Variants in KLHL4 observed in about 807,000 individuals in gnomAD.
KLHL4 encodes kelch-like protein 4.
KLHL4 carries 17 observed loss-of-function variants against 45.8 expected under a neutral mutation model. That is an observed-to-expected ratio of 0.37 (90% CI 0.25 to 0.56). The LOEUF (loss-of-function observed/expected upper bound fraction) is 0.56. Ranked by LOEUF, KLHL4 falls within the 20% of genes least tolerant of loss-of-function variation. The pLI is 0.79. For missense variants in KLHL4, 544 were observed against 544.9 expected, an observed-to-expected ratio of 1.00 and a Z score of 0.02; for synonymous variants, 224 against 189.9, an observed-to-expected ratio of 1.18 and a Z score of -1.47.
At chrX:87,525,911 A>G (rs1397599110) in intron 1 of KLHL4, among the ~76,000 whole-genome samples, 1 of 111,117 alleles carries the variant, frequency 9.0e-6, no homozygotes, top group Non-Finnish European at 1.9e-5. Flanking sequence ...ATATTACTGT[A>G]CAGAATGTGT....
At chrX:87,522,520 T>C (rs1931022456) in intron 1 of KLHL4, among the ~76,000 whole-genome samples, 1 of 111,782 alleles carries the variant, frequency 8.9e-6, no homozygotes, top group Non-Finnish European at 1.9e-5. Context: ...TTGCCTGTCT[T>C]CTTACGAGGT....
intron 1 of KLHL4, among the ~76,000 whole-genome samples, chrX:87,557,937 T>A (rs190482101): frequency 9.0e-5 from 10 of 111,019 alleles, no homozygotes; most frequent in South Asian, 3.8e-4. Context: ...CATTAAGAAT[T>A]GTCTCAAGGA....
intron 1 of KLHL4, among the ~76,000 whole-genome samples, chrX:87,553,197 T>C (rs1295032622): frequency 9.0e-6 from 1 of 110,845 alleles, no homozygotes; most frequent in African/African-American, 3.3e-5. Context: ...TATTTGACAG[T>C]GTTTGTGGAG....
At position 87,594,577 on chromosome X, in the gene KLHL4, G is replaced by A. The variant is rs1021034695; in HGVS notation, c.423-19300G>A. Among the ~76,000 whole-genome samples, 23 of 111,289 alleles carry A rather than the reference G, an allele frequency of 2.1e-4. 1 individual carries two copies. Among genetic ancestry groups the A allele is most frequent in the African/African-American group, 7.2e-4 (22 of 30,603 alleles). ...AACAAAACCAACTAGAACAGGGCCT[G>A]CCTTTTGTCTTGCCACTTTTACTAT... On this transcript the variant is annotated intron_variant, in intron 1 of 10. Coordinates refer to ENST00000373119, the MANE Select transcript of KLHL4 (RefSeq NM_019117.5).
At chrX:87,604,719 T>G (rs1922136300) in intron 1 of KLHL4, among the ~76,000 whole-genome samples, 1 of 111,398 alleles carries the variant, frequency 9.0e-6, no homozygotes, top group African/African-American at 3.3e-5. Flanking sequence ...TTGAACATTA[T>G]CTTTTCATTT....
At position 87,666,912 on chromosome X, in the gene KLHL4, G is replaced by GT. The variant is rs538930195; in HGVS notation, c.*387dup. On this transcript the variant is annotated 3_prime_UTR_variant, in exon 11 of 11. Transcript: ENST00000373119. ...GCCTTAAAAGTTAAAAACATTTTCAGTTTTTTTTTAAAAAACGTACTCTTA... is the reference window on the plus strand; with the variant it reads ...GCCTTAAAAGTTAAAAACATTTTCAGTTTTTTTTTTAAAAAACGTACTCTTA... 737 of 695,143 alleles carry GT rather than the reference G, an allele frequency of 1.1e-3. 7 individuals are homozygous for GT. The highest frequency in any genetic ancestry group is 6.2e-3 in the African/African-American group (256 of 41,549). The allele number at this position is 695,143 out of a possible 1,213,427, so 57.3% of individuals were successfully genotyped here. A position where few individuals can be genotyped will look rare whatever the true frequency, so the allele number is the denominator to read the frequency against.
At chrX:87,566,099 C>A (rs929577050) in intron 1 of KLHL4, among the ~76,000 whole-genome samples, 1 of 91,388 alleles carries the variant, frequency 1.1e-5, no homozygotes, top group Admixed American at 1.4e-4. Context: ...ATAAAATAAA[C>A]CCCCTCAACA....
chrX:87,579,350 C>T (rs1250827707), intron 1 of KLHL4, among the ~76,000 whole-genome samples: 3 of 111,204 alleles, frequency 2.7e-5, no homozygotes, highest in African/African-American at 6.5e-5. Context: ...AGAAAGCCTA[C>T]AGAAATTATA....
At chrX:87,536,328 T>A (rs1260706556) in intron 1 of KLHL4, among the ~76,000 whole-genome samples, 1 of 111,274 alleles carries the variant, frequency 9.0e-6, no homozygotes, top group Non-Finnish European at 1.9e-5. Context: ...AAAATTTCTA[T>A]GATGACTTTT....
chrX:87,553,154 T>C (rs959445128), intron 1 of KLHL4, among the ~76,000 whole-genome samples: 2 of 110,590 alleles, frequency 1.8e-5, no homozygotes, highest in Non-Finnish European at 3.8e-5. Flanking sequence ...GTTTGGGCTT[T>C]GATAATGTGG....
At chrX:87,524,154 G>A (rs781368416) in intron 1 of KLHL4, among the ~76,000 whole-genome samples, 11 of 110,335 alleles carry the variant, frequency 1.0e-4, no homozygotes, top group African/African-American at 3.3e-4. Context: ...AGAAGGGCAG[G>A]AAAGTGTAAA....
intron 9 of KLHL4, among the ~76,000 whole-genome samples, chrX:87,642,553 C>T (rs1923499103): frequency 1.8e-5 from 2 of 111,828 alleles, no homozygotes; most frequent in East Asian, 5.7e-4. Flanking sequence ...AGAAGAAATT[C>T]ATGATTTATC....
At chrX:87,535,922 G>A (rs1337947627) in intron 1 of KLHL4, among the ~76,000 whole-genome samples, 1 of 109,752 alleles carries the variant, frequency 9.1e-6, no homozygotes, top group Non-Finnish European at 1.9e-5. Context: ...AACCATGTGC[G>A]GTGCCTACTC....
At chrX:87,613,768 G>A in intron 1 of KLHL4, 109 bp from the exon 2 acceptor site, 1 of 452,543 alleles carries the variant, frequency 2.2e-6, no homozygotes, top group Non-Finnish European at 3.5e-6. Flanking sequence ...TCCTTTAGAA[G>A]TTGGTATGCC....
At chrX:87,560,713 G>T (rs1462536987) in intron 1 of KLHL4, among the ~76,000 whole-genome samples, 2 of 111,644 alleles carry the variant, frequency 1.8e-5, no homozygotes, top group Non-Finnish European at 3.8e-5. Flanking sequence ...ATATCTTGCT[G>T]TGACTGGCTA....
intron 1 of KLHL4, among the ~76,000 whole-genome samples, chrX:87,523,791 C>G (rs954390204): frequency 2.7e-5 from 3 of 109,693 alleles, no homozygotes; most frequent in Non-Finnish European, 5.7e-5. Flanking sequence ...AGTGAAACCC[C>G]GTCTGTACTA....
At chrX:87,629,151 A>G (rs909137003) in intron 6 of KLHL4, among the ~76,000 whole-genome samples, 1 of 111,557 alleles carries the variant, frequency 9.0e-6, no homozygotes, top group African/African-American at 3.2e-5. Flanking sequence ...GATAAGTTTG[A>G]CAGGTTTTGT....
chrX:87,518,876 T>A (rs2147758046), intron 1 of KLHL4, among the ~76,000 whole-genome samples: 1 of 112,289 alleles, frequency 8.9e-6, no homozygotes, highest in Non-Finnish European at 1.9e-5. Context: ...TTTGCAAGCA[T>A]GAAAATATTC....
chrX:87,611,289 T>A (rs946910566), intron 1 of KLHL4, among the ~76,000 whole-genome samples: 1 of 111,339 alleles, frequency 9.0e-6, no homozygotes, highest in Non-Finnish European at 1.9e-5. Context: ...TTTCAAGTGT[T>A]AACATCTTAG....
Sources: gnomAD v4.1 joint callset for allele counts (sites outside exome capture counted in the v4.1 genomes callset) on GRCh38, gnomAD v4.1.1 for gene constraint, MANE v1.5 for transcripts, NCBI Gene and HGNC (gene_info 2026-07-23, HGNC 2026-07-21) for gene names.